SLC8A2: variants seen among roughly 807,000 people sequenced by gnomAD.
SLC8A2 encodes the protein sodium/calcium exchanger 2.
In SLC8A2, 14 loss-of-function variants were observed where a neutral mutation model predicts 70.2. The observed-to-expected ratio is 0.20, with a 90% CI of 0.13 to 0.31. SLC8A2 has a LOEUF of 0.31. Ranked by LOEUF, SLC8A2 falls within the 10% of genes least tolerant of loss-of-function variation. SLC8A2 has a pLI of 1.00. For synonymous variants in SLC8A2, 575 were observed against 594.3 expected (o/e 0.97, Z 0.47); for missense variants, 779 against 1,320.1 (o/e 0.59, Z 6.35).
At chr19:47,452,429 A>T (rs1967250069) in intron 3 of SLC8A2, among the ~76,000 whole-genome samples, 2 of 111,236 alleles carry the variant, frequency 1.8e-5, no homozygotes, top group African/African-American at 4.0e-5. Context: ...AGAGAGAGAG[A>T]GAGAGAGAGA....
chr19:47,432,628 G>GTCAACTGCTAAAAA lies in SLC8A2; in HGVS notation c.2111-184_2111-183insTTTTTAGCAGTTGA. 3.7e-6 allele frequency: 2 copies of GTCAACTGCTAAAAA among 542,392 alleles called. No homozygotes were observed. Among genetic ancestry groups the GTCAACTGCTAAAAA allele is most frequent in the East Asian group, 6.5e-5 (2 of 30,832 alleles). 33.6% of individuals were successfully genotyped at this position (542,392 alleles called of 1,614,324 possible). On this transcript the variant is annotated intron_variant, in intron 8 of 9. Transcript: ENST00000236877. The surrounding 1 kb of genome is among the most constrained non-coding windows in gnomAD (Gnocchi z 6.2). Reference sequence around the variant, plus strand: ...AGTTACTTTCCCAGAATCCCTTGAAGCTAGGAGCTTGATTGGGCCCAGGTG... The same window carrying GTCAACTGCTAAAAA: ...AGTTACTTTCCCAGAATCCCTTGAAGTCAACTGCTAAAAACTAGGAGCTTGATTGGGCCCAGGTG...
chr19:47,453,945 A>G (rs1967274177), intron 3 of SLC8A2, among the ~76,000 whole-genome samples: 1 of 151,818 alleles, frequency 6.6e-6, no homozygotes, highest in East Asian at 1.9e-4. Context: ...AAACAAAACC[A>G]CACCAGCCTG....
At position 47,456,772 on chromosome 19, in the gene SLC8A2, C is replaced by T. The variant is rs537811661; in HGVS notation, c.1340+158G>A. Among the ~76,000 whole-genome samples, 4 of 152,354 alleles carry T rather than the reference C, an allele frequency of 2.6e-5. No individual in the cohort carries two copies. The South Asian group carries it at 8.3e-4, about 32-fold the overall frequency. Reference sequence around the variant, plus strand: ...TGTGTGCCCCACGTCTAGAGCAGCGCCTGGCACAAAGCAGGCTCTCAGGAA... The same window carrying T: ...TGTGTGCCCCACGTCTAGAGCAGCGTCTGGCACAAAGCAGGCTCTCAGGAA... On this transcript the variant is annotated intron_variant, in intron 3 of 9. Transcript: ENST00000236877.
rs1008061739 is a variant in SLC8A2 at position 47,457,138 on chromosome 19, T to C, written c.1132A>G (p.Arg378Gly). The change falls in exon 3 of 10, where the codon AGG (arginine) becomes GGG (glycine). Residue 378 changes from arginine (R) to glycine (G), a missense_variant. This residue lies in a region of SLC8A2 where 186 missense variants were observed against 246.6 expected (regional missense o/e 0.75). Transcript: ENST00000236877. ...LRRHAADASR[R>G]AAPAEGAGED... The stretch of plus-strand genomic sequence containing the variant: ...CCCGCGCCCTCGGCCGGCGCCGCCC[T>C]GCGCGAGGCGTCCGCCGCGTGTCTG... The C allele has an allele frequency of 3.9e-6, 6 of 1,542,114 alleles. No individual in the cohort carries two copies.
At position 47,439,617 on chromosome 19, in the gene SLC8A2, T is replaced by TCTTCCTTCCTTCCTTCCTTC. The variant is rs149487413; in HGVS notation, c.1885+1532_1885+1551dup. On this transcript the variant is annotated intron_variant, in intron 6 of 9. Coordinates refer to ENST00000236877, the MANE Select transcript of SLC8A2 (RefSeq NM_015063.3). Reference sequence around the variant, plus strand: ...CTCTCTTCTCCCTCCTTCCTTCCTTTCTTCCTTCCTTCCTTCCTTCCTTCC... The same window carrying TCTTCCTTCCTTCCTTCCTTC: ...CTCTCTTCTCCCTCCTTCCTTCCTTTCTTCCTTCCTTCCTTCCTTCCTTCCTTCCTTCCTTCCTTCCTTCC... Among the ~76,000 whole-genome samples, 1,424 of 145,892 alleles carry TCTTCCTTCCTTCCTTCCTTC rather than the reference T, an allele frequency of 9.8e-3. 37 individuals are homozygous for TCTTCCTTCCTTCCTTCCTTC. The highest frequency in any genetic ancestry group is 0.033 in the African/African-American group (1,244 of 38,072).
At chr19:47,454,789 G>A (rs1325194807) in intron 3 of SLC8A2, among the ~76,000 whole-genome samples, 4 of 152,274 alleles carry the variant, frequency 2.6e-5, no homozygotes, top group Middle Eastern at 3.4e-3. Flanking sequence ...ACTCAAGATC[G>A]ATGAAACAGA....
At position 47,429,678 on chromosome 19, in the gene SLC8A2, T is replaced by G. The variant is rs1599841461; in HGVS notation, c.*411A>C. 46 of 46,590 alleles carry G rather than the reference T, an allele frequency of 9.9e-4. No individual in the cohort carries two copies. The highest frequency in any genetic ancestry group is 1.9e-3 in the African/African-American group (13 of 6,932). 2.9% of individuals were successfully genotyped at this position (46,590 alleles called of 1,614,324 possible). The stretch of plus-strand genomic sequence containing the variant: ...GGTTCTGAGGCTCTGGGACATGGGG[T>G]GAAGTGGGGGGGGGGTCACTAGGGG... On this transcript the variant is annotated 3_prime_UTR_variant, in exon 10 of 10. Coordinates refer to ENST00000236877, the MANE Select transcript of SLC8A2 (RefSeq NM_015063.3).
chr19:47,452,253 C>A (rs1318867078), intron 3 of SLC8A2, among the ~76,000 whole-genome samples: 1 of 152,032 alleles, frequency 6.6e-6, no homozygotes, highest in Non-Finnish European at 1.5e-5. Context: ...CTGGCTCTGT[C>A]ATCCAGGCTG....
At chr19:47,462,488 T>G (rs1401166413) in intron 2 of SLC8A2, among the ~76,000 whole-genome samples, 2 of 152,144 alleles carry the variant, frequency 1.3e-5, no homozygotes, top group Non-Finnish European at 2.9e-5. Context: ...GGTCTTGAAC[T>G]CCTGACCTCG....
At chr19:47,471,543 G>A (rs985599817) in intron 1 of SLC8A2, among the ~76,000 whole-genome samples, 2 of 151,950 alleles carry the variant, frequency 1.3e-5, no homozygotes, top group African/African-American at 4.8e-5. Flanking sequence ...GGGTGTCCTC[G>A]CCCCCCAGTA....
At position 47,448,250 on chromosome 19, in the gene SLC8A2, G is replaced by A; in HGVS notation, c.1341-19C>T. The A allele has an allele frequency of 6.4e-7, 1 of 1,568,244 alleles. No homozygotes were observed. The highest frequency in any genetic ancestry group is 8.7e-7 in the Non-Finnish European group (1 of 1,153,556). The stretch of plus-strand genomic sequence containing the variant: ...GCCCTCGCTGCGGCGGGGTGGGGAG[G>A]GGGAAGAGCGGGGTGAGGGTCGGTC... On this transcript the variant is annotated intron_variant, in intron 3 of 9. Transcript: ENST00000236877. This position sits in a 1 kb window ranked among gnomAD's most constrained non-coding sequence, Gnocchi z 4.8.
chr19:47,445,179 G>A (rs1967145704), intron 4 of SLC8A2, among the ~76,000 whole-genome samples: 1 of 152,142 alleles, frequency 6.6e-6, no homozygotes, highest in South Asian at 2.1e-4. Context: ...CGTGACCTCG[G>A]CTCACAGCAA....
At chr19:47,441,052 T>A in intron 6 of SLC8A2, 117 bp downstream of exon 6, 1 of 925,084 alleles carries the variant, frequency 1.1e-6, no homozygotes, top group Non-Finnish European at 1.7e-6. Flanking sequence ...TGCCTTTATC[T>A]CACCTCCAAT....
At chr19:47,441,235 G>A (rs1967096108) in intron 5 of SLC8A2, 49 bp from the exon 6 acceptor site, 1 of 1,610,930 alleles carries the variant, frequency 6.2e-7, no homozygotes, top group Admixed American at 1.7e-5. Context: ...TCCCCACGAA[G>A]CTCAGGTCCA....
In SLC8A2 at chr19:47,457,468, T is replaced by C. The variant is rs768085836; in HGVS notation, c.802A>G (p.Ile268Val). Reference protein sequence around the residue: ...KRYRTDPRSGIIIGAEGDPPK... With the variant: ...KRYRTDPRSGVIIGAEGDPPK... ...GGGTCGCCCTCGGCGCCTATGATGA[T>C]GCCGCTGCGTGGGTCGGTGCGGTAG... Residue 268 changes from isoleucine to valine, a missense_variant, in exon 3 of 10, where the codon ATC (isoleucine) becomes GTC (valine). This residue lies in a region of SLC8A2 where 186 missense variants were observed against 246.6 expected (regional missense o/e 0.75). Transcript: ENST00000236877. 35 of 1,609,342 alleles carry C rather than the reference T, an allele frequency of 2.2e-5. No individual in the cohort carries two copies. In the South Asian group the frequency reaches 2.6e-4, roughly 12 times the overall value.
chr19:47,449,820 C>T (rs1967213733), intron 3 of SLC8A2, among the ~76,000 whole-genome samples: 1 of 152,094 alleles, frequency 6.6e-6, no homozygotes, highest in Admixed American at 6.6e-5. Context: ...GGGGGCAGAT[C>T]ACCTAGGGCC....
chr19:47,460,563 G>A (rs1333186382), intron 2 of SLC8A2, among the ~76,000 whole-genome samples: 1 of 152,050 alleles, frequency 6.6e-6, no homozygotes, highest in Admixed American at 6.6e-5. Flanking sequence ...CAGGCATGGT[G>A]GTGTGCATCT....
In SLC8A2 at chr19:47,430,228, C is replaced by G; in HGVS notation, c.2627G>C (p.Arg876Pro). The G allele has an allele frequency of 6.2e-7, 1 of 1,610,072 alleles. No homozygotes were observed. The highest frequency in any genetic ancestry group is 8.5e-7 in the Non-Finnish European group (1 of 1,178,122). ...CTCGCCGCCGATGTGCGGCCGGCGC[C>G]GGTACAGCAGCACGGCAATGCCCAC... is the stretch of plus-strand genomic sequence containing the variant. ...AFVGIAVLLY[R>P]RRPHIGGELG... The change falls in exon 10 of 10, where the codon CGG becomes CCG. Residue 876 changes from arginine to proline, a missense_variant. By Grantham distance (103) the Arg-to-Pro change is moderately radical. Around this residue, in one of 6 missense-constraint regions of SLC8A2, gnomAD observed 108 missense variants for 269.6 expected, o/e 0.40. Coordinates refer to ENST00000236877, the MANE Select transcript of SLC8A2 (RefSeq NM_015063.3). This position sits in a 1 kb window ranked among gnomAD's most constrained non-coding sequence, Gnocchi z 5.9.
chr19:47,457,187 C>T lies in SLC8A2; in HGVS notation c.1083G>A (p.Met361Ile). The change falls in exon 3 of 10, where the codon ATG becomes ATA. Residue 361 changes from methionine (M) to isoleucine (I), a missense_variant. This residue lies in a region of SLC8A2 where 186 missense variants were observed against 246.6 expected (regional missense o/e 0.75). Transcript: ENST00000236877. ...AFYRIQATRL[M>I]TGAGNVLRRH... Reference sequence around the variant, plus strand: ...TGCGCAGCACGTTCCCGGCGCCGGTCATCAGCCGCGTGGCCTGGATGCGGT... The same window carrying T: ...TGCGCAGCACGTTCCCGGCGCCGGTTATCAGCCGCGTGGCCTGGATGCGGT... 3 of 1,545,120 alleles carry T rather than the reference C, an allele frequency of 1.9e-6. No individual in the cohort carries two copies. Among genetic ancestry groups the T allele is most frequent in the Non-Finnish European group, 2.6e-6 (3 of 1,145,276 alleles).
Sources: gnomAD v4.1 joint callset for allele counts (sites outside exome capture counted in the v4.1 genomes callset) on GRCh38, gnomAD v4.1.1 for gene constraint, gnomAD v4.1.1 regional missense constraint, Gnocchi (gnomAD v3.1) non-coding constraint, MANE v1.5 for transcripts, NCBI Gene and HGNC (gene_info 2026-07-23, HGNC 2026-07-21) for gene names.